The following FAM228B variants were observed in gnomAD, a reference collection of about 807,000 sequenced individuals.
FAM228B encodes protein FAM228B.
In FAM228B, 38 loss-of-function variants were observed where a neutral mutation model predicts 42.6. The observed-to-expected ratio is 0.89, with a 90% confidence interval of 0.69 to 1.17. The LOEUF (loss-of-function observed/expected upper bound fraction) is 1.17, where lower values mean the gene tolerates loss of function less well. FAM228B is among the 50% of genes most tolerant of loss of function. The probability of loss-of-function intolerance (pLI) is 0.00; values close to 1 mark genes in which losing one functional copy is unlikely to be tolerated. For synonymous variants in FAM228B, 109 were observed against 122.3 expected, an observed-to-expected ratio of 0.89 and a Z score of 0.72; for missense variants, 344 against 367.3, an observed-to-expected ratio of 0.94 and a Z score of 0.52.
Position 24,158,214 on chromosome 2 carries a change from C to CTTTTTTTTTTTT in FAM228B, c.687-3292_687-3291insTTTTTTTTTTTT, listed in dbSNP as rs1206913020. Among the ~76,000 whole-genome samples the CTTTTTTTTTTTT allele has an allele frequency of 2.1e-5, 2 of 95,704 alleles. 1 individual carries two copies. The highest frequency in any genetic ancestry group is 3.7e-5 in the Non-Finnish European group (2 of 53,784). The allele number at this position is 95,704 out of a possible 152,430, so 62.8% of individuals were successfully genotyped here. A position where few individuals can be genotyped will look rare whatever the true frequency, so the allele number is the denominator to read the frequency against. On this transcript the variant is annotated intron_variant, in intron 7 of 10. Coordinates refer to ENST00000615575, the MANE Select transcript of FAM228B (RefSeq NM_001145710.2). The stretch of plus-strand genomic sequence containing the variant: ...GAACCTCCTTTTTTTTTTTTTTTTT[C>CTTTTTTTTTTTT]CAAAACATTGTTCCCAAGACTCTAT...
At chr2:24,149,736 T>C (rs1222332224) in intron 7 of FAM228B, among the ~76,000 whole-genome samples, 1 of 152,184 alleles carries the variant, frequency 6.6e-6, no homozygotes, top group Non-Finnish European at 1.5e-5. Context: ...CCCGGCTTGT[T>C]GGTTGATTTG....
intron 3 of FAM228B, among the ~76,000 whole-genome samples, chr2:24,117,683 T>G (rs1345516828): frequency 1.3e-5 from 2 of 152,214 alleles, no homozygotes; most frequent in African/African-American, 4.8e-5. Flanking sequence ...CCTCAAGTGA[T>G]ACACCTGCCT....
intron 2 of FAM228B, among the ~76,000 whole-genome samples, chr2:24,130,712 G>A (rs1270232099): frequency 1.3e-5 from 2 of 151,984 alleles, no homozygotes; most frequent in Non-Finnish European, 2.9e-5. Context: ...TTTGTCAGAT[G>A]GGTAGATTGC....
chr2:24,132,490 T>TTTTTTTTTTTTA (rs1341388873), intron 2 of FAM228B, among the ~76,000 whole-genome samples: 1 of 141,946 alleles, frequency 7.0e-6, no homozygotes, highest in Non-Finnish European at 1.5e-5. Context: ...TTTTTTTTTT[T>TTTTTTTTTTTTA]GGTTGATAGG....
chr2:24,142,275 G>T (rs761521787), intron 5 of FAM228B, among the ~76,000 whole-genome samples: 5 of 152,086 alleles, frequency 3.3e-5, no homozygotes, highest in Non-Finnish European at 7.4e-5. Flanking sequence ...CAACAGTAGG[G>T]CTTGAGATGG....
intron 3 of FAM228B, among the ~76,000 whole-genome samples, chr2:24,109,124 A>G (rs1480748530): frequency 6.6e-6 from 1 of 150,810 alleles, no homozygotes; most frequent in Non-Finnish European, 1.5e-5. Flanking sequence ...CCATACACCT[A>G]TAACCATCTG....
At chr2:24,167,287 G>C (rs1272831809) in intron 9 of FAM228B, among the ~76,000 whole-genome samples, 1 of 152,170 alleles carries the variant, frequency 6.6e-6, no homozygotes, top group East Asian at 1.9e-4. Flanking sequence ...CAGTGCGGAG[G>C]GGCCTGGGTG....
chr2:24,077,733 G>T lies in FAM228B; in HGVS notation c.-290+764G>T, dbSNP rs1265372472. 3.1e-6 allele frequency: 5 copies of T among 1,613,794 alleles called. No individual in the cohort carries two copies. In the African/African-American group the frequency reaches 6.7e-5, roughly 22 times the overall value. On this transcript the variant is annotated intron_variant, in intron 1 of 10. Coordinates refer to the FAM228B transcript ENST00000613899. This position sits in a 1 kb window ranked among gnomAD's most constrained non-coding sequence, Gnocchi z 5.5. ...GGAGAAGTGAGGCAGAATTTGCTCC[G>T]TGAAAGCATTCACCAGCATTTGCTT...
chr2:24,082,703 C>CT (rs1665058079), intron 2 of FAM228B, among the ~76,000 whole-genome samples: 1 of 152,184 alleles, frequency 6.6e-6, no homozygotes, highest in East Asian at 1.9e-4. Context: ...TCCAGACCCT[C>CT]TATCTGCTAA....
intron 10 of FAM228B, among the ~76,000 whole-genome samples, chr2:24,168,413 A>G (rs1034815080): frequency 1.2e-4 from 18 of 152,210 alleles, no homozygotes; most frequent in Admixed American, 3.3e-4. Context: ...CCCAGTAGAG[A>G]AAGGGTTTCA....
In FAM228B at chr2:24,147,471, C is replaced by T. The variant is rs115618471; in HGVS notation, c.686+385C>T. Among the ~76,000 whole-genome samples the T allele has an allele frequency of 7.0e-3, 1,065 of 151,954 alleles. 8 individuals are homozygous for T. The highest frequency in any genetic ancestry group is 0.025 in the African/African-American group (1,026 of 41,464). On this transcript the variant is annotated intron_variant, in intron 7 of 10. Transcript: ENST00000615575. ...TTATCACTTCAAATATTTCTTATTT[C>T]CTGTTCTGTCTACTTTTTTTCTTCC...
At chr2:24,126,258 A>G (rs1329344592) in intron 2 of FAM228B, among the ~76,000 whole-genome samples, 11 of 152,224 alleles carry the variant, frequency 7.2e-5, no homozygotes, top group Admixed American at 5.9e-4. Context: ...TTCCAAAGTC[A>G]TTGAATTATT....
At chr2:24,147,883 T>C (rs1445633616) in intron 7 of FAM228B, among the ~76,000 whole-genome samples, 1 of 151,724 alleles carries the variant, frequency 6.6e-6, no homozygotes, top group African/African-American at 2.4e-5. Flanking sequence ...TCTTGATTGC[T>C]TTATCTCTTG....
chr2:24,091,072 C>T (rs369168985), intron 2 of FAM228B, among the ~76,000 whole-genome samples: 5 of 149,910 alleles, frequency 3.3e-5, no homozygotes, highest in Non-Finnish European at 6.0e-5. Flanking sequence ...AGATAAAAAA[C>T]GAGGTAATTG....
intron 7 of FAM228B, among the ~76,000 whole-genome samples, chr2:24,153,789 T>A (rs112216892): frequency 0.03 from 4,505 of 152,322 alleles, 87 homozygotes; most frequent in African/African-American, 0.058. Flanking sequence ...TTACAGTCCT[T>A]GTTCCTAGAC....
At chr2:24,149,224 C>G (rs1331450816) in intron 7 of FAM228B, among the ~76,000 whole-genome samples, 2 of 152,172 alleles carry the variant, frequency 1.3e-5, no homozygotes, top group African/African-American at 4.8e-5. Flanking sequence ...GATTTCCTTT[C>G]TTTTGAGTGT....
chr2:24,130,058 C>T (rs532002620), intron 2 of FAM228B, among the ~76,000 whole-genome samples: 11 of 152,252 alleles, frequency 7.2e-5, no homozygotes, highest in East Asian at 3.9e-4. Context: ...TGAGAACATG[C>T]GGTGTTTGGT....
intron 7 of FAM228B, among the ~76,000 whole-genome samples, chr2:24,149,406 A>C (rs1432871657): frequency 6.6e-6 from 1 of 152,082 alleles, no homozygotes; most frequent in East Asian, 1.9e-4. Context: ...TGACTTTTGG[A>C]TATAAGCCAT....
At chr2:24,127,463 T>C (rs1276520604) in intron 2 of FAM228B, among the ~76,000 whole-genome samples, 1 of 151,860 alleles carries the variant, frequency 6.6e-6, no homozygotes, top group Non-Finnish European at 1.5e-5. Flanking sequence ...AACCTAGGAG[T>C]GGAATTGTTT....
Sources: gnomAD v4.1 joint callset for allele counts (sites outside exome capture counted in the v4.1 genomes callset) on GRCh38, gnomAD v4.1.1 for gene constraint, Gnocchi (gnomAD v3.1) non-coding constraint, MANE v1.5 for transcripts, NCBI Gene and HGNC (gene_info 2026-07-23, HGNC 2026-07-21) for gene names.